TSPAN9: variants seen among roughly 807,000 people sequenced by gnomAD.
The protein encoded by TSPAN9 is tetraspanin-9.
Under a neutral mutation model 31.0 loss-of-function variants are expected in TSPAN9, and 16 were observed. That is an observed-to-expected ratio of 0.52 (90% CI 0.35 to 0.78). The LOEUF (loss-of-function observed/expected upper bound fraction) is 0.78. Ranked by LOEUF, TSPAN9 falls within the 30% of genes least tolerant of loss-of-function variation. The pLI is 0.01. For synonymous variants in TSPAN9, 145 were observed against 121.6 expected (o/e 1.19, Z -1.27); for missense variants, 272 against 312.5 (o/e 0.87, Z 0.98).
intron 2 of TSPAN9, 140 bp from the exon 3 acceptor site, chr12:3,201,037 G>A (rs1156341520): frequency 2.8e-6 from 2 of 718,192 alleles, no homozygotes; most frequent in South Asian, 1.8e-5. Flanking sequence ...GCGGCTTCAC[G>A]GCCGGCGCCT....
At chr12:3,205,275 C>G (rs1443390515) in intron 3 of TSPAN9, among the ~76,000 whole-genome samples, 2 of 152,232 alleles carry the variant, frequency 1.3e-5, no homozygotes, top group East Asian at 3.9e-4. Flanking sequence ...GGATCGCTCC[C>G]TTAATGAAGG....
chr12:3,138,999 G>A (rs59638643), intron 2 of TSPAN9, among the ~76,000 whole-genome samples: 5 of 152,240 alleles, frequency 3.3e-5, no homozygotes, highest in East Asian at 1.9e-4. Context: ...GGCTGTGGAC[G>A]CCCTGAGGAG....
At position 3,239,024 on chromosome 12, in the gene TSPAN9, G is replaced by A. The variant is rs1450972926; in HGVS notation, c.63+37768G>A. Among the ~76,000 whole-genome samples the A allele has an allele frequency of 3.9e-5, 6 of 152,196 alleles. No homozygotes were observed. The East Asian group carries it at 5.8e-4, about 15-fold the overall frequency. ...AGTTCCCACTGGCACCCAGCATGGC[G>A]TTAGACCTGAGGGTGCCCTGATTCA... On this transcript the variant is annotated intron_variant, in intron 3 of 8. Transcript: ENST00000011898.
Position 3,168,080 on chromosome 12 carries a change from C to CATGT in TSPAN9, c.-17-33097_-17-33096insATGT, listed in dbSNP as rs544221998. ...ACAAGCAGCAGCAGGAGATACCCTC[C>CATGT]CATGTCACTCATTCTGTGCCACAGA... On this transcript the variant is annotated intron_variant, in intron 2 of 8. Transcript: ENST00000011898. The surrounding 1 kb of genome is among the most constrained non-coding windows in gnomAD (Gnocchi z 4.0). Among the ~76,000 whole-genome samples, 149 of 152,280 alleles carry CATGT rather than the reference C, an allele frequency of 9.8e-4. No homozygotes were observed. The highest frequency in any genetic ancestry group is 3.4e-3 in the African/African-American group (143 of 41,538).
intron 2 of TSPAN9, among the ~76,000 whole-genome samples, chr12:3,101,692 C>T (rs57449341): frequency 0.036 from 5,491 of 152,264 alleles, 332 homozygotes; most frequent in African/African-American, 0.12. Context: ...CTTCTGACTT[C>T]GGCCTGACTG....
intron 2 of TSPAN9, among the ~76,000 whole-genome samples, chr12:3,098,541 C>A (rs2098310262): frequency 6.6e-6 from 1 of 152,168 alleles, no homozygotes. Context: ...CTGCCTGAGA[C>A]CCACAGAGCC....
At chr12:3,090,724 C>T (rs867187491) in intron 2 of TSPAN9, among the ~76,000 whole-genome samples, 7 of 152,182 alleles carry the variant, frequency 4.6e-5, no homozygotes, top group South Asian at 2.1e-4. Flanking sequence ...CGCGGACGTG[C>T]GATCCCTCCC....
At chr12:3,204,033 G>T (rs1489210003) in intron 3 of TSPAN9, among the ~76,000 whole-genome samples, 1 of 152,186 alleles carries the variant, frequency 6.6e-6, no homozygotes, top group Non-Finnish European at 1.5e-5. Context: ...GTCTTGTGCA[G>T]GGGGGCAGGG....
At chr12:3,114,736 C>A (rs1393063089) in intron 2 of TSPAN9, among the ~76,000 whole-genome samples, 1 of 151,178 alleles carries the variant, frequency 6.6e-6, no homozygotes, top group East Asian at 2.0e-4. Flanking sequence ...CCAGCTACTC[C>A]TGAGGCTGAG....
chr12:3,247,488 T>C (rs1862160966), intron 3 of TSPAN9, among the ~76,000 whole-genome samples: 1 of 152,088 alleles, frequency 6.6e-6, no homozygotes, highest in African/African-American at 2.4e-5. Flanking sequence ...TCAGAAAGAC[T>C]TGCAGGGTCT....
At chr12:3,078,775 G>C (rs193161258) in intron 1 of TSPAN9, among the ~76,000 whole-genome samples, 65 of 152,022 alleles carry the variant, frequency 4.3e-4, no homozygotes, top group African/African-American at 1.4e-3. Flanking sequence ...GAACAGGTGA[G>C]AGTAGGATTT....
At chr12:3,090,241 A>G (rs1263739248) in intron 2 of TSPAN9, among the ~76,000 whole-genome samples, 1 of 152,222 alleles carries the variant, frequency 6.6e-6, no homozygotes, top group African/African-American at 2.4e-5. Context: ...AGACTTGCTG[A>G]ATGGATTTTG....
intron 2 of TSPAN9, among the ~76,000 whole-genome samples, chr12:3,189,503 G>T (rs2098363170): frequency 6.6e-6 from 1 of 152,208 alleles, no homozygotes; most frequent in Non-Finnish European, 1.5e-5. Context: ...GCCTGGTCAG[G>T]AGACTGGCAG....
chr12:3,124,838 G>C (rs1438971935), intron 2 of TSPAN9: 1 of 152,090 alleles, frequency 6.6e-6, no homozygotes. Context: ...CAGGAGGATC[G>C]CTTGAGCCCA....
At chr12:3,246,425 G>A (rs1281878984) in intron 3 of TSPAN9, among the ~76,000 whole-genome samples, 1 of 152,114 alleles carries the variant, frequency 6.6e-6, no homozygotes, top group African/African-American at 2.4e-5. Context: ...TGCAGCCTTC[G>A]CTGAGGTCAG....
In TSPAN9 at chr12:3,107,535, C is replaced by G. The variant is rs544699098; in HGVS notation, c.-18+23816C>G. ...GACAGCAGACCCCCAGTCCAGCCCC[C>G]CTATCCCTGTGCCCTTCATCTGGGG... is the stretch of plus-strand genomic sequence containing the variant. On this transcript the variant is annotated intron_variant, in intron 2 of 8. Transcript: ENST00000011898. The surrounding 1 kb of genome is among the most constrained non-coding windows in gnomAD (Gnocchi z 4.1). 5.9e-5 allele frequency among the ~76,000 whole-genome samples: 9 copies of G among 152,260 alleles called. No individual in the cohort carries two copies. Among genetic ancestry groups the G allele is most frequent in the Middle Eastern group, 3.4e-3 (1 of 294 alleles).
intron 2 of TSPAN9, among the ~76,000 whole-genome samples, chr12:3,108,357 C>G (rs528506254): frequency 2.0e-5 from 3 of 152,214 alleles, no homozygotes; most frequent in Admixed American, 6.5e-5. Context: ...TCCAGCCCCC[C>G]GTCCTGTGCA....
At chr12:3,197,757 TCACCAGCACAGGCCAC>T (rs2098367937) in intron 2 of TSPAN9, among the ~76,000 whole-genome samples, 1 of 30,962 alleles carries the variant, frequency 3.2e-5, no homozygotes, top group African/African-American at 1.5e-4. Context: ...CCAGCACAGG[TCACCAGCACAGGCCAC>T]CACCAGCACA....
At chr12:3,275,005 A>G (rs897907568) in intron 3 of TSPAN9, among the ~76,000 whole-genome samples, 27 of 152,212 alleles carry the variant, frequency 1.8e-4, no homozygotes, top group Non-Finnish European at 3.7e-4. Context: ...GGAAATGGGA[A>G]AGGAAGCAGA....
Sources: allele counts gnomAD v4.1 joint callset (sites outside exome capture counted in the v4.1 genomes callset), GRCh38; gene constraint gnomAD v4.1.1; non-coding constraint Gnocchi (gnomAD v3.1); transcripts MANE v1.5; gene names NCBI Gene and HGNC (gene_info 2026-07-23, HGNC 2026-07-21).